ADGRB3: variants seen among roughly 807,000 people sequenced by gnomAD.
ADGRB3 encodes the protein brain-specific angiogenesis inhibitor 3.
Under a neutral mutation model 193.4 loss-of-function variants are expected in ADGRB3, and 37 were observed. The observed-to-expected ratio is 0.19, with a 90% CI of 0.15 to 0.25. The LOEUF is 0.25. ADGRB3 is among the 10% of genes least tolerant of loss of function. The pLI, the probability that ADGRB3 is intolerant of heterozygous loss-of-function variation, is 1.00. For synonymous variants in ADGRB3, 690 were observed against 644.2 expected (o/e 1.07, Z -1.08); for missense variants, 1,637 against 1,852.9 (o/e 0.88, Z 2.14).
chr6:69,139,292 C>T lies in ADGRB3; in HGVS notation c.2480+63254C>T, dbSNP rs148675497. Among the ~76,000 whole-genome samples, 11 of 152,304 alleles carry T rather than the reference C, an allele frequency of 7.2e-5. No individual in the cohort carries two copies. In the Middle Eastern group the frequency reaches 0.01, roughly 141 times the overall value. On this transcript the variant is annotated intron_variant, in intron 17 of 31. Transcript: ENST00000370598. ...CCATAAGGACTTGTCCCCTCATGCA[C>T]TTAAATGCCAATAAATGCCTGTGTG... is the stretch of plus-strand genomic sequence containing the variant.
At chr6:68,685,451 G>GA (rs1233581232) in intron 3 of ADGRB3, among the ~76,000 whole-genome samples, 2 of 151,790 alleles carry the variant, frequency 1.3e-5, no homozygotes, top group East Asian at 3.9e-4. Context: ...ATAGAACATA[G>GA]AAAAAATAGA....
intron 3 of ADGRB3, among the ~76,000 whole-genome samples, chr6:68,884,253 G>A (rs570099937): frequency 6.6e-6 from 1 of 152,172 alleles, no homozygotes; most frequent in Admixed American, 6.5e-5. Flanking sequence ...TGCCAGGCAC[G>A]GGGATGTGTC....
At chr6:68,704,184 A>G (rs1483605571) in intron 3 of ADGRB3, among the ~76,000 whole-genome samples, 1 of 152,186 alleles carries the variant, frequency 6.6e-6, no homozygotes, top group East Asian at 1.9e-4. Context: ...AAAATATGAG[A>G]AAGAAAACTG....
At chr6:69,094,506 A>G (rs1395632206) in intron 17 of ADGRB3, among the ~76,000 whole-genome samples, 2 of 152,216 alleles carry the variant, frequency 1.3e-5, no homozygotes, top group African/African-American at 4.8e-5. Context: ...TAGCATTTAG[A>G]TATCTGTATC....
intron 3 of ADGRB3, among the ~76,000 whole-genome samples, chr6:68,760,099 A>G (rs1204699784): frequency 1.3e-5 from 2 of 152,216 alleles, no homozygotes; most frequent in Admixed American, 1.3e-4. Context: ...AGCAGATACA[A>G]GCAATTCAGT....
chr6:68,978,340 A>ACAGG (rs1474747968), intron 10 of ADGRB3, among the ~76,000 whole-genome samples: 1 of 94,714 alleles, frequency 1.1e-5, no homozygotes, highest in African/African-American at 4.8e-5. Flanking sequence ...ACATAGATAG[A>ACAGG]TAGGTAGGTA....
rs553640274 is a variant in ADGRB3 at position 69,154,597 on chromosome 6, A to G, written c.2480+78559A>G. On this transcript the variant is annotated intron_variant, in intron 17 of 31. Coordinates refer to ENST00000370598, the MANE Select transcript of ADGRB3 (RefSeq NM_001704.3). ...CCTGGCAAATTCAGATCACATCTCCAGTCTCTGCCTTCCGTTTTCCCAGAG... is the reference window on the plus strand; with the variant it reads ...CCTGGCAAATTCAGATCACATCTCCGGTCTCTGCCTTCCGTTTTCCCAGAG... 1.1e-3 allele frequency among the ~76,000 whole-genome samples: 171 copies of G among 152,296 alleles called. 1 individual carries two copies. The South Asian group carries it at 0.015, about 13-fold the overall frequency.
At chr6:68,741,487 A>G (rs796427846) in intron 3 of ADGRB3, among the ~76,000 whole-genome samples, 46 of 152,250 alleles carry the variant, frequency 3.0e-4, no homozygotes, top group African/African-American at 9.9e-4. Context: ...CGCCAGCTCA[A>G]GCCATCCTCC....
intron 17 of ADGRB3, among the ~76,000 whole-genome samples, chr6:69,203,636 T>C (rs1404523357): frequency 5.3e-5 from 8 of 152,230 alleles, no homozygotes; most frequent in African/African-American, 1.9e-4. Flanking sequence ...CCTGCCCTTT[T>C]CTGCAGCCAC....
intron 20 of ADGRB3, among the ~76,000 whole-genome samples, chr6:69,291,801 A>T (rs1453972205): frequency 2.0e-5 from 3 of 152,206 alleles, no homozygotes; most frequent in African/African-American, 7.2e-5. Flanking sequence ...TTTGATAAAG[A>T]GCACATGCAG....
chr6:69,208,492 T>C (rs928458686), intron 17 of ADGRB3, among the ~76,000 whole-genome samples: 1 of 152,196 alleles, frequency 6.6e-6, no homozygotes, highest in Non-Finnish European at 1.5e-5. Flanking sequence ...CCAGGTGCAC[T>C]GCTCGAAGTT....
At chr6:68,844,014 A>G (rs1275146490) in intron 3 of ADGRB3, among the ~76,000 whole-genome samples, 1 of 152,226 alleles carries the variant, frequency 6.6e-6, no homozygotes, top group South Asian at 2.1e-4. Flanking sequence ...ATATACAAAT[A>G]TCAAATGCAA....
chr6:68,767,096 G>T (rs1272116794), intron 3 of ADGRB3, among the ~76,000 whole-genome samples: 1 of 151,906 alleles, frequency 6.6e-6, no homozygotes, highest in Non-Finnish European at 1.5e-5. Context: ...CTTTTAAAGT[G>T]CTTTCATTTT....
At chr6:68,901,476 C>G (rs1283492693) in intron 3 of ADGRB3, among the ~76,000 whole-genome samples, 1 of 152,180 alleles carries the variant, frequency 6.6e-6, no homozygotes, top group Non-Finnish European at 1.5e-5. Flanking sequence ...AAGTGAGTCA[C>G]TAAACCCAGA....
intron 20 of ADGRB3, among the ~76,000 whole-genome samples, chr6:69,291,964 T>G (rs1055559801): frequency 2.6e-5 from 4 of 152,118 alleles, no homozygotes; most frequent in African/African-American, 9.7e-5. Context: ...TCCTTATCCC[T>G]GAAGATGAAG....
intron 11 of ADGRB3, among the ~76,000 whole-genome samples, chr6:69,004,476 C>G (rs981430642): frequency 2.0e-5 from 3 of 151,590 alleles, no homozygotes; most frequent in East Asian, 1.9e-4. Flanking sequence ...AGGTTTGTTA[C>G]GTATGTATAC....
At chr6:69,268,274 A>AG (rs1400726704) in intron 20 of ADGRB3, among the ~76,000 whole-genome samples, 1 of 152,166 alleles carries the variant, frequency 6.6e-6, no homozygotes, top group African/African-American at 2.4e-5. Context: ...TTTGAAATCC[A>AG]AGTTAATAAT....
intron 17 of ADGRB3, among the ~76,000 whole-genome samples, chr6:69,106,023 C>A (rs538184449): frequency 2.0e-5 from 3 of 151,768 alleles, no homozygotes; most frequent in African/African-American, 7.2e-5. Context: ...GTAATCTGAG[C>A]TACTCGGGAG....
chr6:68,668,555 A>G (rs1341039918), intron 3 of ADGRB3, among the ~76,000 whole-genome samples: 2 of 151,954 alleles, frequency 1.3e-5, no homozygotes, highest in African/African-American at 4.8e-5. Context: ...AGTTTTTTAG[A>G]TATAGGAAAT....
Sources: gnomAD v4.1 joint callset for allele counts (sites outside exome capture counted in the v4.1 genomes callset) on GRCh38, gnomAD v4.1.1 for gene constraint, MANE v1.5 for transcripts, NCBI Gene and HGNC (gene_info 2026-07-23, HGNC 2026-07-21) for gene names.